SYNE2: variants seen among roughly 807,000 people sequenced by gnomAD.
The protein encoded by SYNE2 is nesprin-2.
SYNE2 carries 431 observed loss-of-function variants against 856.3 expected under a neutral mutation model. The observed-to-expected ratio is 0.50, with a 90% confidence interval of 0.47 to 0.55. The LOEUF (loss-of-function observed/expected upper bound fraction) is 0.55, where lower values mean the gene tolerates loss of function less well. Ranked by LOEUF, SYNE2 falls within the 20% of genes least tolerant of loss-of-function variation. The pLI is 0.00. For synonymous variants in SYNE2, 2,923 were observed against 2,872.3 expected (o/e 1.02, Z -0.56); for missense variants, 8,129 against 8,023.2 (o/e 1.01, Z -0.50).
intron 108 of SYNE2, 95 bp downstream of exon 108, chr14:64,216,482 A>G (rs1390718078): frequency 2.2e-6 from 3 of 1,347,688 alleles, no homozygotes; most frequent in Admixed American, 1.7e-5. Flanking sequence ...GCGTGTATTC[A>G]TTCCCCAGGC....
chr14:63,872,389 G>C (rs1425199181), intron 1 of SYNE2, among the ~76,000 whole-genome samples: 6 of 150,830 alleles, frequency 4.0e-5, no homozygotes, highest in Non-Finnish European at 5.9e-5. Context: ...AAGATGGTTT[G>C]TCACTGCACT....
intron 1 of SYNE2, among the ~76,000 whole-genome samples, chr14:63,765,127 T>A (rs1248918122): frequency 6.6e-6 from 1 of 152,048 alleles, no homozygotes. Flanking sequence ...AAATCCCACC[T>A]TTCCTCTTCC....
intron 52 of SYNE2, among the ~76,000 whole-genome samples, chr14:64,072,932 G>T (rs2097423977): frequency 6.6e-6 from 1 of 152,126 alleles, no homozygotes; most frequent in Non-Finnish European, 1.5e-5. Flanking sequence ...TATTAATAAA[G>T]GATATAATGA....
chr14:63,994,980 C>A (rs1247160277), intron 22 of SYNE2, 64 bp from the exon 23 acceptor site: 33 of 1,084,198 alleles, frequency 3.0e-5, no homozygotes, highest in Non-Finnish European at 4.1e-5. Flanking sequence ...TTTATTGTTA[C>A]TATAAATACT....
At position 63,945,411 on chromosome 14, in the gene SYNE2, T is replaced by C. The variant is rs60136116; in HGVS notation, c.408+3268T>C. Among the ~76,000 whole-genome samples, 1,432 of 152,312 alleles carry C rather than the reference T, an allele frequency of 9.4e-3. 25 individuals are homozygous for C. The highest frequency in any genetic ancestry group is 0.032 in the African/African-American group (1,349 of 41,578). ...ATGGAATTATAAATGTCTTCTCTTA[T>C]GTACACTATGTACTCTTTCGTGTTT... On this transcript the variant is annotated intron_variant, in intron 6 of 115. Transcript: ENST00000555002.
At chr14:64,023,710 A>C in intron 38 of SYNE2, 1 of 183,632 alleles carries the variant, frequency 5.4e-6, no homozygotes, top group Non-Finnish European at 1.2e-5. Flanking sequence ...TATTACTTTA[A>C]TGTTTTGATG....
chr14:63,776,324 T>C (rs1887102915), intron 1 of SYNE2, among the ~76,000 whole-genome samples: 1 of 152,236 alleles, frequency 6.6e-6, no homozygotes, highest in African/African-American at 2.4e-5. Context: ...CACACGTGCC[T>C]TTGAACTTAA....
chr14:63,918,158 A>G (rs2095554206), intron 2 of SYNE2, among the ~76,000 whole-genome samples: 1 of 152,232 alleles, frequency 6.6e-6, no homozygotes, highest in South Asian at 2.1e-4. Flanking sequence ...GAAGTAGTAC[A>G]TTAGAAAAAC....
chr14:63,965,603 A>C (rs969146052), intron 10 of SYNE2, among the ~76,000 whole-genome samples: 6 of 152,178 alleles, frequency 3.9e-5, no homozygotes, highest in Non-Finnish European at 8.8e-5. Context: ...TTTGTCCTGA[A>C]CAAGCTGCAG....
At chr14:64,158,039 C>T (rs2098299717) in intron 85 of SYNE2, among the ~76,000 whole-genome samples, 1 of 152,094 alleles carries the variant, frequency 6.6e-6, no homozygotes, top group African/African-American at 2.4e-5. Context: ...TCAGAACATA[C>T]CAGTGGACAA....
chr14:63,915,907 T>C (rs1435500041), intron 2 of SYNE2, among the ~76,000 whole-genome samples: 1 of 151,736 alleles, frequency 6.6e-6, no homozygotes, highest in Admixed American at 6.6e-5. Context: ...TTATCCAAGC[T>C]TAGTGGGTTA....
rs559026934 is a variant in SYNE2 at position 63,787,041 on chromosome 14, G to T, written c.-305+25055G>T. Among the ~76,000 whole-genome samples, 116 of 152,306 alleles carry T rather than the reference G, an allele frequency of 7.6e-4. 1 individual carries two copies. The highest frequency in any genetic ancestry group is 2.6e-3 in the African/African-American group (109 of 41,568). ...GCCTCCCAAAGTGCTAGGATTACAGGCATGAGCTACTGTGCCCAGCCTTCT... is the reference window on the plus strand; with the variant it reads ...GCCTCCCAAAGTGCTAGGATTACAGTCATGAGCTACTGTGCCCAGCCTTCT... On this transcript the variant is annotated intron_variant, in intron 1 of 23. Coordinates refer to the SYNE2 transcript ENST00000674003.
intron 48 of SYNE2, 37 bp downstream of exon 48, chr14:64,053,694 C>CG (rs1567167624): frequency 6.3e-7 from 1 of 1,596,388 alleles, no homozygotes; most frequent in East Asian, 2.2e-5. Flanking sequence ...TGGCTGGGTG[C>CG]GGGGGCTCAC....
At chr14:64,174,808 A>G in intron 94 of SYNE2, 136 bp from the exon 95 acceptor site, 1 of 759,802 alleles carries the variant, frequency 1.3e-6, no homozygotes. Flanking sequence ...GTGTATGTAC[A>G]TTCTGACCCA....
At chr14:63,856,459 T>C (rs184433533) in intron 1 of SYNE2, among the ~76,000 whole-genome samples, 4 of 152,296 alleles carry the variant, frequency 2.6e-5, no homozygotes, top group Non-Finnish European at 5.9e-5. Context: ...TATTGCAGTA[T>C]ACACATGTGC....
intron 63 of SYNE2, chr14:64,100,023 A>G (rs960830899): frequency 1.3e-4 from 20 of 152,116 alleles, no homozygotes; most frequent in Non-Finnish European, 2.9e-5. Context: ...ATAAAGACAC[A>G]TGCACACATA....
At position 63,985,317 on chromosome 14, in the gene SYNE2, G is replaced by T. The variant is rs867552537; in HGVS notation, c.2152-1139G>T. On this transcript the variant is annotated intron_variant, in intron 18 of 115. Transcript: ENST00000555002. ...CGCACTCCAGCCTGGGTGACAGACC[G>T]AGGCTCCATCTCAAAAAAAAAAAAA... Among the ~76,000 whole-genome samples, 66 of 126,084 alleles carry T rather than the reference G, an allele frequency of 5.2e-4. 1 individual carries two copies. Among genetic ancestry groups the T allele is most frequent in the Middle Eastern group, 0.012 (2 of 166 alleles). The allele number at this position is 126,084 out of a possible 152,430, so 82.7% of individuals were successfully genotyped here. A position where few individuals can be genotyped will look rare whatever the true frequency, so the allele number is the denominator to read the frequency against.
chr14:63,799,560 C>T (rs1280288249), intron 1 of SYNE2, among the ~76,000 whole-genome samples: 4 of 151,930 alleles, frequency 2.6e-5, no homozygotes, highest in South Asian at 4.2e-4. Context: ...AAAATTTAGC[C>T]GGGCGTGGTG....
At chr14:63,816,268 T>C (rs1888990339) in intron 1 of SYNE2, among the ~76,000 whole-genome samples, 1 of 152,062 alleles carries the variant, frequency 6.6e-6, no homozygotes, top group Admixed American at 6.6e-5. Context: ...TATTACCATA[T>C]AGAGGCCTAA....
Sources: allele counts gnomAD v4.1 joint callset (sites outside exome capture counted in the v4.1 genomes callset), GRCh38; gene constraint gnomAD v4.1.1; transcripts MANE v1.5; gene names NCBI Gene and HGNC (gene_info 2026-07-23, HGNC 2026-07-21).